Variants in BTBD3 observed in about 807,000 individuals in gnomAD.
BTBD3 encodes the protein BTB domain containing 3, also known as BTB/POZ domain-containing protein 3.
BTBD3 carries 14 observed loss-of-function variants against 41.6 expected under a neutral mutation model. The ratio of observed to expected loss-of-function variants is 0.34; its 90% CI spans 0.22 to 0.53. The LOEUF (loss-of-function observed/expected upper bound fraction) is 0.53. Among genes scored for constraint, BTBD3 ranks in the 20% least tolerant of loss-of-function variants. The probability of loss-of-function intolerance (pLI) is 0.95; values close to 1 mark genes in which losing one functional copy is unlikely to be tolerated. For synonymous variants in BTBD3, 249 were observed against 233.7 expected, an observed-to-expected ratio of 1.07 and a Z score of -0.60; for missense variants, 426 against 654.7, an observed-to-expected ratio of 0.65 and a Z score of 3.81.
At chr20:11,891,658 G>C (rs193252552) in intron 1 of BTBD3, among the ~76,000 whole-genome samples, 1 of 152,180 alleles carries the variant, frequency 6.6e-6, no homozygotes, top group African/African-American at 2.4e-5. Flanking sequence ...TCGGGAAGAA[G>C]GATGTTTGCT....
chr20:11,901,113 T>C (rs2056821370), intron 1 of BTBD3, among the ~76,000 whole-genome samples: 1 of 152,202 alleles, frequency 6.6e-6, no homozygotes, highest in African/African-American at 2.4e-5. Flanking sequence ...CAGGTGACTT[T>C]TCCCAAAATC....
chr20:11,918,886 A>G (rs1408599722), intron 1 of BTBD3, 200 bp from the exon 2 acceptor site: 8 of 573,322 alleles, frequency 1.4e-5, no homozygotes, highest in Non-Finnish European at 2.1e-5. Context: ...AGTTTGTATA[A>G]CTTTTATTTT....
intron 1 of BTBD3, among the ~76,000 whole-genome samples, chr20:11,901,582 A>G (rs1318048148): frequency 1.3e-5 from 2 of 152,166 alleles, no homozygotes; most frequent in African/African-American, 2.4e-5. Context: ...ATACCATTCA[A>G]TAAGTATTTC....
At chr20:11,902,417 G>T (rs906382910) in intron 1 of BTBD3, among the ~76,000 whole-genome samples, 31 of 152,202 alleles carry the variant, frequency 2.0e-4, no homozygotes, top group African/African-American at 7.2e-4. Context: ...TCTTTTCTAT[G>T]CTTCTCGGAA....
chr20:11,901,060 T>C (rs2056821088), intron 1 of BTBD3, among the ~76,000 whole-genome samples: 2 of 152,166 alleles, frequency 1.3e-5, no homozygotes, highest in South Asian at 4.1e-4. Flanking sequence ...TCTATATTCC[T>C]AGAAAACCTG....
At position 11,919,789 on chromosome 20, in the gene BTBD3, A is replaced by C. The variant is rs1430739131; in HGVS notation, c.489A>C (p.Glu163Asp). Residue 163 changes from glutamate (E) to aspartate (D), a missense_variant, in exon 3 of 4, where the codon GAA becomes GAC. Physicochemically the swap from Glu to Asp is conservative, Grantham distance 45 (BLOSUM62 2). Coordinates refer to ENST00000378226, the MANE Select transcript of BTBD3 (RefSeq NM_014962.4). ...GAGAACTTGCAGAGGACAAAGATGA[A>C]ATCCGTATACCAGATGTCGAACCTG... ...FYGELAEDKD[E>D]IRIPDVEPAA... 2 of 1,614,038 alleles carry C rather than the reference A, an allele frequency of 1.2e-6. No individual in the cohort carries two copies. Among genetic ancestry groups the C allele is most frequent in the Non-Finnish European group, 1.7e-6 (2 of 1,180,032 alleles).
chr20:11,905,619 C>T (rs551495384), intron 1 of BTBD3, among the ~76,000 whole-genome samples: 2 of 152,152 alleles, frequency 1.3e-5, no homozygotes, highest in South Asian at 2.1e-4. Flanking sequence ...AGGAGGACTG[C>T]GGAAAAGTAA....
chr20:11,913,717 G>T (rs879130109), upstream of BTBD3: 1 of 152,128 alleles, frequency 6.6e-6, no homozygotes, highest in African/African-American at 2.4e-5. Context: ...CTGGAGTCCC[G>T]TTCAGTTTCA....
chr20:11,919,332 C>T (rs1409128660), intron 2 of BTBD3, 156 bp downstream of exon 2: 1 of 1,387,948 alleles, frequency 7.2e-7, no homozygotes. Flanking sequence ...GGGCTTTGGC[C>T]ACGCTTAATT....
At chr20:11,914,998 A>G (rs926594170), upstream of BTBD3, among the ~76,000 whole-genome samples, 1 of 152,178 alleles carries the variant, frequency 6.6e-6, no homozygotes, top group African/African-American at 2.4e-5. Flanking sequence ...CTTAAAGGCT[A>G]AATGATTTGT....
At position 11,924,354 on chromosome 20, in the gene BTBD3, A is replaced by C. The variant is rs2057000178; in HGVS notation, c.*688A>C. 6.6e-6 allele frequency: 1 copy of C among 152,234 alleles called. No individual in the cohort carries two copies. The highest frequency in any genetic ancestry group is 2.4e-5 in the African/African-American group (1 of 41,464). The allele number at this position is 152,234 out of a possible 1,614,324, so 9.4% of individuals were successfully genotyped here. On this transcript the variant is annotated 3_prime_UTR_variant, in exon 4 of 4. Transcript: ENST00000378226. ...CTTTTCTTTTAGTTTAGAAGACAAA[A>C]AATTTCAATACAGATACTTCTTTTA...
chr20:11,891,634 T>C (rs1248813450), intron 1 of BTBD3, among the ~76,000 whole-genome samples: 1 of 152,104 alleles, frequency 6.6e-6, no homozygotes. Context: ...AAAATAGACG[T>C]ACAAGTTTGG....
chr20:11,893,151 A>G (rs1327866827), intron 1 of BTBD3, among the ~76,000 whole-genome samples: 2 of 152,334 alleles, frequency 1.3e-5, no homozygotes, highest in East Asian at 1.9e-4. Context: ...TCTGAACAAA[A>G]TAGTACAGAA....
At chr20:11,897,886 T>C (rs2056797622) in intron 1 of BTBD3, among the ~76,000 whole-genome samples, 1 of 152,188 alleles carries the variant, frequency 6.6e-6, no homozygotes, top group Admixed American at 6.5e-5. Flanking sequence ...GGGCCGGGCA[T>C]GGTGGTTCAC....
Position 11,922,622 on chromosome 20 carries a change from T to G in BTBD3, c.537-12T>G. 6.3e-7 allele frequency: 1 copy of G among 1,591,030 alleles called. No homozygotes were observed. Among genetic ancestry groups the G allele is most frequent in the Non-Finnish European group, 8.6e-7 (1 of 1,166,494 alleles). ...GTGAAAATTCCACTTACATGTTATGTGCTTTTTACAGATATATCTATTGTG... is the reference window on the plus strand; with the variant it reads ...GTGAAAATTCCACTTACATGTTATGGGCTTTTTACAGATATATCTATTGTG... On this transcript the variant is annotated splice_polypyrimidine_tract_variant and intron_variant, in intron 3 of 3. Coordinates refer to ENST00000378226, the MANE Select transcript of BTBD3 (RefSeq NM_014962.4).
chr20:11,893,689 TA>T (rs897280848), intron 1 of BTBD3, among the ~76,000 whole-genome samples: 25 of 152,012 alleles, frequency 1.6e-4, no homozygotes, highest in Admixed American at 8.5e-4. Flanking sequence ...AAAAATTAAA[TA>T]AAAAAATATT....
Position 11,918,413 on chromosome 20 carries a change from A to G in BTBD3, c.138A>G (p.Pro46=). Reference sequence around the variant, plus strand: ...GCAGTAGCAACAGCAGCAAGTTGCCACCAGTTTGTTATGAAATAATTACCT... The same window carrying G: ...GCAGTAGCAACAGCAGCAAGTTGCCGCCAGTTTGTTATGAAATAATTACCT... ...SSSSSNSSKL[P]PVCYEIITLK... The change falls in exon 1 of 4, where the codon CCA becomes CCG. Residue 46 remains proline, a synonymous_variant. Coordinates refer to ENST00000378226, the MANE Select transcript of BTBD3 (RefSeq NM_014962.4). 3 of 1,614,190 alleles carry G rather than the reference A, an allele frequency of 1.9e-6. No individual in the cohort carries two copies. The highest frequency in any genetic ancestry group is 1.7e-6 in the Non-Finnish European group (2 of 1,180,028).
At position 11,919,077 on chromosome 20, in the gene BTBD3, TG is replaced by T; in HGVS notation, c.327-8del. The T allele has an allele frequency of 3.7e-6, 6 of 1,608,728 alleles. No homozygotes were observed. The highest frequency in any genetic ancestry group is 5.1e-6 in the Non-Finnish European group (6 of 1,176,256). On this transcript the variant is annotated splice_polypyrimidine_tract_variant and splice_region_variant and intron_variant, in intron 1 of 3. Transcript: ENST00000378226. ...CTGCTGTGAATTAATGAGTTGCCTC[TG>T]TTTATAGAAATGCGATGATGTTCAA... is the stretch of plus-strand genomic sequence containing the variant.
exon 1 of BTBD3, chr20:11,890,836 G>GGTGCCCGCC (rs2056744513): frequency 1.0e-6 from 1 of 985,284 alleles, no homozygotes. Flanking sequence ...CCTGCGTGCG[G>GGTGCCCGCC]GTGCCCGCCG....
Sources: gnomAD v4.1 joint callset for allele counts (sites outside exome capture counted in the v4.1 genomes callset) on GRCh38, gnomAD v4.1.1 for gene constraint, MANE v1.5 for transcripts, NCBI Gene and HGNC (gene_info 2026-07-23, HGNC 2026-07-21) for gene names.